SNX6: variants seen among roughly 807,000 people sequenced by gnomAD.
The protein encoded by SNX6 is sorting nexin 6, also known as sorting nexin-6.
A neutral mutation model predicts 63.0 loss-of-function variants in SNX6; 34 were observed. The ratio of observed to expected loss-of-function variants is 0.54; its 90% CI spans 0.41 to 0.72. The LOEUF is 0.72. Among genes scored for constraint, SNX6 ranks in the 30% least tolerant of loss-of-function variants. The probability of loss-of-function intolerance (pLI) is 0.00; values close to 1 mark genes in which losing one functional copy is unlikely to be tolerated. For synonymous variants in SNX6, 170 were observed against 164.2 expected (o/e 1.04, Z -0.27); for missense variants, 398 against 471.4 (o/e 0.84, Z 1.44).
chr14:34,600,880 T>C (rs1882783659), intron 6 of SNX6, among the ~76,000 whole-genome samples: 2 of 151,848 alleles, frequency 1.3e-5, no homozygotes, highest in African/African-American at 4.8e-5. Context: ...TCTATTAAAA[T>C]ATAAGAATTA....
chr14:34,575,590 A>G (rs1346097532), intron 11 of SNX6, 166 bp downstream of exon 11: 2 of 357,524 alleles, frequency 5.6e-6, no homozygotes, highest in African/African-American at 2.2e-5. Context: ...AATATGTACA[A>G]TTATACACAT....
chr14:34,612,473 C>T (rs1004769929), intron 2 of SNX6, among the ~76,000 whole-genome samples: 2 of 151,860 alleles, frequency 1.3e-5, no homozygotes, highest in East Asian at 3.9e-4. Context: ...CACTTTGTCC[C>T]CTGAGGTTGG....
intron 11 of SNX6, 99 bp downstream of exon 11, chr14:34,575,657 C>A: frequency 1.4e-5 from 7 of 509,248 alleles, no homozygotes; most frequent in East Asian, 3.7e-5. Flanking sequence ...AATTTAAAAT[C>A]ATATAAAGGA....
rs34380966 is a variant in SNX6 at position 34,587,532 on chromosome 14, C to CAAAAA, written c.719-1232_719-1228dup. ...TGGGCGACAGAGCAAGACTCCATCT[C>CAAAAA]AAAAAAAAAAAAAAAAAAAAAAAAA... On this transcript the variant is annotated intron_variant, in intron 8 of 13. Coordinates refer to ENST00000362031, the MANE Select transcript of SNX6 (RefSeq NM_152233.4). 3.8e-4 allele frequency among the ~76,000 whole-genome samples: 22 copies of CAAAAA among 57,812 alleles called. 1 individual carries two copies. Among genetic ancestry groups the CAAAAA allele is most frequent in the Admixed American group, 1.3e-3 (4 of 3,118 alleles). The allele number at this position is 57,812 out of a possible 152,430, so 37.9% of individuals were successfully genotyped here.
At chr14:34,575,649 T>C (rs972018067) in intron 11 of SNX6, 107 bp downstream of exon 11, 4 of 490,988 alleles carry the variant, frequency 8.1e-6, no homozygotes, top group East Asian at 3.7e-5. Context: ...GAAAATATAA[T>C]TTAAAATCAT....
chr14:34,597,470 C>A, intron 7 of SNX6, 80 bp downstream of exon 7: 1 of 861,458 alleles, frequency 1.2e-6, no homozygotes, highest in Non-Finnish European at 1.9e-6. Flanking sequence ...TACTCTAATT[C>A]TGCACATTTG....
intron 2 of SNX6, among the ~76,000 whole-genome samples, chr14:34,623,249 T>C (rs921927475): frequency 9.9e-5 from 15 of 152,032 alleles, no homozygotes; most frequent in Admixed American, 5.3e-4. Flanking sequence ...CAAGTTGAAT[T>C]TGAAGCGAAA....
intron 4 of SNX6, among the ~76,000 whole-genome samples, chr14:34,606,530 A>G (rs1883027546): frequency 6.7e-6 from 1 of 149,944 alleles, no homozygotes; most frequent in African/African-American, 2.5e-5. Context: ...TCAGCTCACC[A>G]CAACCTCTGC....
At chr14:34,570,547 AG>A (rs1566464390) in intron 11 of SNX6, among the ~76,000 whole-genome samples, 2 of 150,690 alleles carry the variant, frequency 1.3e-5, no homozygotes, top group South Asian at 4.2e-4. Flanking sequence ...CAGCCTCCCA[AG>A]TAGCTGGGAT....
chr14:34,566,963 C>T (rs1183194655), intron 13 of SNX6, among the ~76,000 whole-genome samples: 2 of 152,146 alleles, frequency 1.3e-5, no homozygotes, highest in East Asian at 3.9e-4. Context: ...TGGCTGATGC[C>T]TGTAATCTCA....
intron 3 of SNX6, among the ~76,000 whole-genome samples, chr14:34,608,924 A>G (rs1367075165): frequency 6.6e-6 from 1 of 152,100 alleles, no homozygotes; most frequent in Non-Finnish European, 1.5e-5. Context: ...GCTACTTAGG[A>G]GGCTGAGACA....
intron 2 of SNX6, among the ~76,000 whole-genome samples, chr14:34,621,494 C>A (rs12885291): frequency 6.6e-6 from 1 of 152,220 alleles, no homozygotes; most frequent in Non-Finnish European, 1.5e-5. Flanking sequence ...TATTAAACAA[C>A]TGAGTGCCCT....
intron 13 of SNX6, among the ~76,000 whole-genome samples, chr14:34,564,829 A>C (rs1367555132): frequency 1.6e-5 from 2 of 127,700 alleles, no homozygotes; most frequent in Non-Finnish European, 3.4e-5. Flanking sequence ...ACTAAGTATC[A>C]AAAAAAAAAA....
chr14:34,629,573 A>G, intron 2 of SNX6: 1 of 595,106 alleles, frequency 1.7e-6, no homozygotes, highest in East Asian at 3.6e-5. Flanking sequence ...ATGGCCCCAA[A>G]GTGTCGAGGG....
At chr14:34,586,184 A>C in intron 9 of SNX6, 46 bp downstream of exon 9, 1 of 1,222,754 alleles carries the variant, frequency 8.2e-7, no homozygotes, top group Non-Finnish European at 1.2e-6. Context: ...TACAGGCGTG[A>C]GCCACCGCGC....
chr14:34,627,262 C>T (rs1026539650), intron 2 of SNX6, among the ~76,000 whole-genome samples: 9 of 151,910 alleles, frequency 5.9e-5, no homozygotes, highest in Admixed American at 1.3e-4. Flanking sequence ...CTGGCTAACA[C>T]GGTGAAACCC....
In SNX6 at chr14:34,624,476, GATTTA is replaced by G. The variant is rs1883747489; in HGVS notation, c.54+5426_54+5430del. The stretch of plus-strand genomic sequence containing the variant: ...TGATGAAAATGTACAGCTGCTTAAA[GATTTA>G]TTTTAAAACACTGACTTTAATTTTG... On this transcript the variant is annotated intron_variant, in intron 2 of 13. Coordinates refer to ENST00000362031, the MANE Select transcript of SNX6 (RefSeq NM_152233.4). Among the ~76,000 whole-genome samples the G allele has an allele frequency of 3.3e-5, 5 of 152,142 alleles. No individual in the cohort carries two copies. In the South Asian group the frequency reaches 1.0e-3, roughly 32 times the overall value.
chr14:34,608,217 C>T (rs1883094992), intron 3 of SNX6, 77 bp from the exon 4 acceptor site: 1 of 740,856 alleles, frequency 1.3e-6, no homozygotes, highest in African/African-American at 1.8e-5. Flanking sequence ...CTTGCTCTGC[C>T]ACCAGGCTGG....
At chr14:34,611,932 C>A (rs1295474652) in intron 2 of SNX6, among the ~76,000 whole-genome samples, 1 of 152,012 alleles carries the variant, frequency 6.6e-6, no homozygotes, top group Non-Finnish European at 1.5e-5. Flanking sequence ...GCACCCACCA[C>A]CACGCCTGGC....
Sources: gnomAD v4.1 joint callset for allele counts (sites outside exome capture counted in the v4.1 genomes callset) on GRCh38, gnomAD v4.1.1 for gene constraint, MANE v1.5 for transcripts, NCBI Gene and HGNC (gene_info 2026-07-23, HGNC 2026-07-21) for gene names.